Variants in NAV3 observed in about 807,000 individuals in gnomAD.
NAV3 encodes the protein pore membrane and/or filament interacting like protein 1.
A neutral mutation model predicts 244.7 loss-of-function variants in NAV3; 87 were observed. The observed-to-expected ratio is 0.36, with a 90% confidence interval of 0.30 to 0.42. The LOEUF (loss-of-function observed/expected upper bound fraction) is 0.42, where lower values mean the gene tolerates loss of function less well. Among genes scored for constraint, NAV3 ranks in the 20% least tolerant of loss-of-function variants. NAV3 has a pLI of 1.00. For missense variants in NAV3, 2,663 were observed against 2,893.3 expected (o/e 0.92, Z 1.83); for synonymous variants, 1,126 against 1,042.2 (o/e 1.08, Z -1.55).
At chr12:78,043,578 A>G (rs1881253367) in intron 9 of NAV3, among the ~76,000 whole-genome samples, 2 of 151,696 alleles carry the variant, frequency 1.3e-5, no homozygotes, top group South Asian at 4.2e-4. Context: ...TTTCTCCACA[A>G]CCTCTCTAGC....
At chr12:77,786,327 T>G (rs1412450479) in intron 2 of NAV3, among the ~76,000 whole-genome samples, 3 of 152,170 alleles carry the variant, frequency 2.0e-5, no homozygotes, top group African/African-American at 7.2e-5. Context: ...GAATTGTTCA[T>G]CATACACCCC....
intron 12 of NAV3, among the ~76,000 whole-genome samples, chr12:78,108,952 T>A (rs1178934410): frequency 6.6e-6 from 1 of 151,300 alleles, no homozygotes; most frequent in Non-Finnish European, 1.5e-5. Flanking sequence ...AACACAATAA[T>A]AAAGATCAGA....
At chr12:77,958,386 A>G (rs1161302071) in intron 3 of NAV3, among the ~76,000 whole-genome samples, 1 of 152,204 alleles carries the variant, frequency 6.6e-6, no homozygotes, top group Non-Finnish European at 1.5e-5. Context: ...GAGTGAATAA[A>G]TAAATAGTGT....
At chr12:77,614,803 T>C (rs1219349932) in intron 2 of NAV3, among the ~76,000 whole-genome samples, 3 of 152,164 alleles carry the variant, frequency 2.0e-5, no homozygotes, top group South Asian at 2.1e-4. Context: ...AGCCCAGCGA[T>C]TGGTGCATAG....
At position 77,634,657 on chromosome 12, in the gene NAV3, A is replaced by G. The variant is rs181114902; in HGVS notation, c.72+62391A>G. Among the ~76,000 whole-genome samples the G allele has an allele frequency of 1.9e-3, 291 of 152,266 alleles. 2 individuals are homozygous for G. Among genetic ancestry groups the G allele is most frequent in the African/African-American group, 6.7e-3 (278 of 41,568 alleles). ...ACAGGTGTCGCCTATTTCCATTTTG[A>G]AATTTCCTTAAAAATATATCTGTGC... On this transcript the variant is annotated intron_variant, in intron 2 of 8. Transcript: ENST00000550042.
chr12:77,886,079 G>A (rs533723150), intron 1 of NAV3, among the ~76,000 whole-genome samples: 9 of 152,154 alleles, frequency 5.9e-5, no homozygotes, highest in African/African-American at 2.2e-4. Flanking sequence ...GTTGGTAGTC[G>A]ATAGTCTCAA....
intron 2 of NAV3, among the ~76,000 whole-genome samples, chr12:77,804,787 A>C (rs751098028): frequency 3.9e-5 from 6 of 152,000 alleles, no homozygotes; most frequent in Non-Finnish European, 7.4e-5. Context: ...CACGATATTG[A>C]TTCTTCCTGT....
intron 2 of NAV3, among the ~76,000 whole-genome samples, chr12:77,662,884 G>A (rs146250892): frequency 2.0e-5 from 3 of 152,062 alleles, no homozygotes; most frequent in East Asian, 1.9e-4. Context: ...CACCTTTTCC[G>A]TTTTTTCCCC....
rs536432218 is a variant in NAV3 at position 78,135,600 on chromosome 12, C to G, written c.4442-1577C>G. ...GATGCACTTGCAAATTTGTTTAATA[C>G]TTCATTAATTTAAACAAGAGTAAAT... On this transcript the variant is annotated intron_variant, in intron 18 of 39. Transcript: ENST00000397909. 5.3e-5 allele frequency among the ~76,000 whole-genome samples: 8 copies of G among 152,036 alleles called. 1 individual carries two copies. In the South Asian group the frequency reaches 1.7e-3, roughly 32 times the overall value.
chr12:77,884,933 T>C (rs552941173), intron 1 of NAV3, among the ~76,000 whole-genome samples: 81 of 152,260 alleles, frequency 5.3e-4, no homozygotes, highest in South Asian at 1.2e-3. Context: ...TCTCCCATTT[T>C]CAGAAATATT....
At chr12:78,159,820 T>C (rs912869344) in intron 23 of NAV3, among the ~76,000 whole-genome samples, 3 of 152,160 alleles carry the variant, frequency 2.0e-5, no homozygotes, top group African/African-American at 7.2e-5. Flanking sequence ...ATTAATTTAC[T>C]TCTGGATGGA....
chr12:77,906,840 C>G (rs1886032636), intron 1 of NAV3, among the ~76,000 whole-genome samples: 1 of 151,892 alleles, frequency 6.6e-6, no homozygotes, highest in Non-Finnish European at 1.5e-5. Context: ...TTATATTGAC[C>G]AGGAGTAAAA....
chr12:77,966,124 T>G (rs1892489565), intron 3 of NAV3, 105 bp from the exon 4 acceptor site: 2 of 963,574 alleles, frequency 2.1e-6, no homozygotes, highest in Non-Finnish European at 3.3e-6. Context: ...ATGAAATGAA[T>G]GTAAACTATT....
At chr12:77,742,232 G>A (rs1211617564) in intron 2 of NAV3, among the ~76,000 whole-genome samples, 1 of 151,874 alleles carries the variant, frequency 6.6e-6, no homozygotes, top group Non-Finnish European at 1.5e-5. Context: ...GTATATGTTA[G>A]GGTTTTATCC....
chr12:78,148,534 T>G (rs1302707171), intron 21 of NAV3, among the ~76,000 whole-genome samples: 1 of 152,146 alleles, frequency 6.6e-6, no homozygotes, highest in Non-Finnish European at 1.5e-5. Context: ...CCACAGTTTT[T>G]CTAGAAGGAG....
At chr12:77,614,238 A>G (rs1871059812) in intron 2 of NAV3, among the ~76,000 whole-genome samples, 1 of 151,876 alleles carries the variant, frequency 6.6e-6, no homozygotes, top group Non-Finnish European at 1.5e-5. Context: ...CGGTAGTGAC[A>G]ACCAAAAATG....
At chr12:77,718,039 T>C (rs923377464) in intron 2 of NAV3, among the ~76,000 whole-genome samples, 1 of 152,206 alleles carries the variant, frequency 6.6e-6, no homozygotes, top group African/African-American at 2.4e-5. Flanking sequence ...CTTTTTACTC[T>C]GTTGATTGTT....
chr12:78,049,053 G>T (rs1437270213), intron 9 of NAV3, among the ~76,000 whole-genome samples: 1 of 152,166 alleles, frequency 6.6e-6, no homozygotes, highest in African/African-American at 2.4e-5. Flanking sequence ...CTCAGTTATG[G>T]CAGTTGCCCC....
intron 12 of NAV3, among the ~76,000 whole-genome samples, chr12:78,060,831 A>T (rs1036723170): frequency 6.6e-6 from 1 of 152,180 alleles, no homozygotes. Context: ...CTGAAAGTAG[A>T]AAACGTCATG....
Sources: allele counts gnomAD v4.1 joint callset (sites outside exome capture counted in the v4.1 genomes callset), GRCh38; gene constraint gnomAD v4.1.1; transcripts MANE v1.5; gene names NCBI Gene and HGNC (gene_info 2026-07-23, HGNC 2026-07-21).